WDR86: variants seen among roughly 807,000 people sequenced by gnomAD.
The protein encoded by WDR86 is WD repeat-containing protein 86.
Under a neutral mutation model 36.5 loss-of-function variants are expected in WDR86, and 30 were observed. The observed-to-expected ratio is 0.82, with a 90% confidence interval of 0.61 to 1.11. WDR86 has a LOEUF of 1.11. Among genes scored for constraint, WDR86 ranks in the 50% most tolerant of loss-of-function variants. The probability of loss-of-function intolerance (pLI) is 0.00; values close to 1 mark genes in which losing one functional copy is unlikely to be tolerated. For missense variants in WDR86, 545 were observed against 561.2 expected (o/e 0.97, Z 0.29); for synonymous variants, 255 against 252.9 (o/e 1.01, Z -0.08).
In WDR86 at chr7:151,375,941, C is replaced by T. The variant is rs749132094; in HGVS notation, n.1349G>A. 184 of 1,604,832 alleles carry T rather than the reference C, an allele frequency of 1.1e-4. No homozygotes were observed. Among genetic ancestry groups the T allele is most frequent in the Middle Eastern group, 1.6e-4 (1 of 6,064 alleles). Reference sequence around the variant, plus strand: ...AAGTCCTTCCCAGGAAAACATTGACCGAGTGAGTGACAGGCCTTTGTGCCC... The same window carrying T: ...AAGTCCTTCCCAGGAAAACATTGACTGAGTGAGTGACAGGCCTTTGTGCCC... On this transcript the variant is annotated non_coding_transcript_exon_variant, in exon 2 of 2. Transcript: ENST00000463000.
At chr7:151,400,805 C>T (rs374858104) in intron 1 of WDR86, among the ~76,000 whole-genome samples, 4 of 152,240 alleles carry the variant, frequency 2.6e-5, no homozygotes, top group Non-Finnish European at 2.9e-5. Flanking sequence ...GCAACCATGG[C>T]GACTGCGCCG....
intron 3 of WDR86, among the ~76,000 whole-genome samples, chr7:151,389,690 C>T (rs1799271446): frequency 1.3e-5 from 2 of 152,156 alleles, no homozygotes; most frequent in South Asian, 4.1e-4. Context: ...GAGCTTGCTT[C>T]CTGGTCTCAG....
At position 151,407,029 on chromosome 7, in the gene WDR86, T is replaced by C. The variant is rs140315178; in HGVS notation, c.163+2398A>G. Among the ~76,000 whole-genome samples, 540 of 152,336 alleles carry C rather than the reference T, an allele frequency of 3.5e-3. 4 individuals are homozygous for C. The highest frequency in any genetic ancestry group is 0.012 in the African/African-American group (509 of 41,566). On this transcript the variant is annotated intron_variant, in intron 1 of 5. Coordinates refer to ENST00000334493, the MANE Select transcript of WDR86 (RefSeq NM_198285.3). Reference sequence around the variant, plus strand: ...TGTCACACACTCACAATGACTCTTTTGCAAGTTGAGCGTATCAGTAGAATC... The same window carrying C: ...TGTCACACACTCACAATGACTCTTTCGCAAGTTGAGCGTATCAGTAGAATC...
intron 3 of WDR86, among the ~76,000 whole-genome samples, chr7:151,385,698 G>C (rs933651008): frequency 2.0e-5 from 3 of 152,162 alleles, no homozygotes; most frequent in African/African-American, 7.2e-5. Context: ...GGAGCTGACA[G>C]CCGGGGACTG....
At position 151,390,169 on chromosome 7, in the gene WDR86, G is replaced by T. The variant is rs192754105; in HGVS notation, c.727-4946C>A. Among the ~76,000 whole-genome samples the T allele has an allele frequency of 6.6e-6, 1 of 152,170 alleles. No homozygotes were observed. Among genetic ancestry groups the T allele is most frequent in the African/African-American group, 2.4e-5 (1 of 41,442 alleles). On this transcript the variant is annotated intron_variant, in intron 3 of 5. Transcript: ENST00000334493. The surrounding 1 kb of genome is among the most constrained non-coding windows in gnomAD (Gnocchi z 4.5). ...CAGAGCTCGGGGAGACGGAGCACTC[G>T]CAGGGCCAGGGCTGCGGAGCAGGGG...
downstream of WDR86, chr7:151,375,850 T>A: frequency 1.2e-6 from 2 of 1,605,844 alleles, no homozygotes; most frequent in South Asian, 2.2e-5. Context: ...TGTTTTAGAT[T>A]CTGCTCAGCA....
chr7:151,385,378 C>T, intron 3 of WDR86, 155 bp from the exon 4 acceptor site: 1 of 1,330,102 alleles, frequency 7.5e-7, no homozygotes, highest in Non-Finnish European at 1.0e-6. Context: ...CCAGACTGCC[C>T]ACTTCAGCAC....
rs140292236 is a variant in WDR86 at position 151,404,032 on chromosome 7, A to T, written c.164-3791T>A. On this transcript the variant is annotated intron_variant, in intron 1 of 5. Transcript: ENST00000334493. ...AGCCAAGAAAAGCACTTAAAAGCCA[A>T]TGGCGGCTAGTGAGCTGTGGCATCT... Among the ~76,000 whole-genome samples, 352 of 152,310 alleles carry T rather than the reference A, an allele frequency of 2.3e-3. 1 individual carries two copies. Among genetic ancestry groups the T allele is most frequent in the African/African-American group, 7.8e-3 (324 of 41,576 alleles).
At chr7:151,371,864 C>T (rs1471560562), downstream of WDR86, among the ~76,000 whole-genome samples, 1 of 152,134 alleles carries the variant, frequency 6.6e-6, no homozygotes, top group Non-Finnish European at 1.5e-5. Context: ...CTGCCAAGAG[C>T]TCTCGGCTGA....
In WDR86 at chr7:151,409,366, T is replaced by G; in HGVS notation, c.163+61A>C. On this transcript the variant is annotated intron_variant, in intron 1 of 5. Coordinates refer to ENST00000334493, the MANE Select transcript of WDR86 (RefSeq NM_198285.3). The surrounding 1 kb of genome is among the most constrained non-coding windows in gnomAD (Gnocchi z 5.2). ...GGGTCTGCGGGCGCAGGAGCTGGGGTCCGCGGTCTGGGGCCGGTGAGCTGC... is the reference window on the plus strand; with the variant it reads ...GGGTCTGCGGGCGCAGGAGCTGGGGGCCGCGGTCTGGGGCCGGTGAGCTGC... The G allele has an allele frequency of 6.5e-7, 1 of 1,541,484 alleles. No individual in the cohort carries two copies. Among genetic ancestry groups the G allele is most frequent in the Non-Finnish European group, 8.8e-7 (1 of 1,141,448 alleles).
Position 151,406,859 on chromosome 7 carries a change from C to T in WDR86, c.163+2568G>A, listed in dbSNP as rs1157665306. On this transcript the variant is annotated intron_variant, in intron 1 of 5. Transcript: ENST00000334493. The surrounding 1 kb of genome is among the most constrained non-coding windows in gnomAD (Gnocchi z 4.4). ...GAGGATTCATTACACAATAAAAAAG[C>T]ACAAAGATGTGTTATTTATAAAATA... is the stretch of plus-strand genomic sequence containing the variant. Among the ~76,000 whole-genome samples, 1 of 152,022 alleles carries T rather than the reference C, an allele frequency of 6.6e-6. No individual in the cohort carries two copies. The highest frequency in any genetic ancestry group is 2.4e-5 in the African/African-American group (1 of 41,366).
intron 3 of WDR86, 149 bp from the exon 4 acceptor site, chr7:151,385,372 A>G (rs1399901248): frequency 7.2e-7 from 1 of 1,385,244 alleles, no homozygotes; most frequent in Non-Finnish European, 9.6e-7. Context: ...GCCCCACCAG[A>G]CTGCCCACTT....
downstream of WDR86, chr7:151,377,338 T>C (rs1437474675): frequency 2.7e-6 from 2 of 747,004 alleles, no homozygotes; most frequent in African/African-American, 1.8e-5. Flanking sequence ...CCTCTTTGGG[T>C]GTAGGAGGGG....
intron 1 of WDR86, among the ~76,000 whole-genome samples, chr7:151,402,091 A>ATATATATATATATATATATATC (rs1365492180): frequency 1.6e-5 from 2 of 124,200 alleles, no homozygotes; most frequent in African/African-American, 3.2e-5. Flanking sequence ...ATATATATAT[A>ATATATATATATATATATATATC]TCTCCACAAA....
chr7:151,378,554 A>T (rs1798419100), downstream of WDR86: 1 of 152,196 alleles, frequency 6.6e-6, no homozygotes, highest in Non-Finnish European at 1.5e-5. Context: ...GTCTGTTTCC[A>T]CTGAGTTTTG....
downstream of WDR86, among the ~76,000 whole-genome samples, chr7:151,379,964 C>T (rs927358226): frequency 2.2e-4 from 34 of 152,218 alleles, no homozygotes; most frequent in Middle Eastern, 3.2e-3. Flanking sequence ...CCACCGGAAC[C>T]GTCCCTTCAG....
chr7:151,385,491 C>A (rs545577917), intron 3 of WDR86, among the ~76,000 whole-genome samples: 2 of 152,338 alleles, frequency 1.3e-5, no homozygotes, highest in East Asian at 3.9e-4. Context: ...GCTCTCTGCC[C>A]CTCAGCTGCT....
intron 1 of WDR86, among the ~76,000 whole-genome samples, chr7:151,403,021 TGTA>T (rs1410734256): frequency 6.6e-6 from 1 of 152,198 alleles, no homozygotes; most frequent in African/African-American, 2.4e-5. Context: ...GTCCCTGTGG[TGTA>T]GTATTTGCCC....
rs1799152656 is a variant in WDR86 at position 151,388,497 on chromosome 7, C to T, written c.727-3274G>A. ...GACAGGGTGCCCCCTGGCTTTTTGA[C>T]CTTGGGTTTGTCGCTTAGAAGCAGG... is the stretch of plus-strand genomic sequence containing the variant. On this transcript the variant is annotated intron_variant, in intron 3 of 5. Transcript: ENST00000334493. This position sits in a 1 kb window ranked among gnomAD's most constrained non-coding sequence, Gnocchi z 4.2. Among the ~76,000 whole-genome samples, 1 of 152,136 alleles carries T rather than the reference C, an allele frequency of 6.6e-6. No homozygotes were observed. Among genetic ancestry groups the T allele is most frequent in the African/African-American group, 2.4e-5 (1 of 41,434 alleles).
Sources: gnomAD v4.1 joint callset for allele counts (sites outside exome capture counted in the v4.1 genomes callset) on GRCh38, gnomAD v4.1.1 for gene constraint, Gnocchi (gnomAD v3.1) non-coding constraint, MANE v1.5 for transcripts, NCBI Gene and HGNC (gene_info 2026-07-23, HGNC 2026-07-21) for gene names.